Variants in NREP observed in about 807,000 individuals in gnomAD.
NREP encodes neuronal regeneration-related protein.
In NREP, 5 loss-of-function variants were observed where a neutral mutation model predicts 8.6. The observed-to-expected ratio is 0.58, with a 90% CI of 0.30 to 1.22. The LOEUF (loss-of-function observed/expected upper bound fraction) is 1.22, where lower values mean the gene tolerates loss of function less well. Ranked by LOEUF, NREP falls within the 50% of genes most tolerant of loss-of-function variation. The pLI, the probability that NREP is intolerant of heterozygous loss-of-function variation, is 0.07. For synonymous variants in NREP, 27 were observed against 28.0 expected (o/e 0.96, Z 0.11); for missense variants, 86 against 82.5 (o/e 1.04, Z -0.17).
upstream of NREP, among the ~76,000 whole-genome samples, chr5:111,759,469 C>G (rs538903180): frequency 1.3e-5 from 2 of 150,614 alleles, no homozygotes; most frequent in African/African-American, 2.4e-5. Flanking sequence ...CCATGTTGCC[C>G]GGTCTCAAAC....
chr5:111,874,204 T>C (rs928947677), intron 2 of NREP, among the ~76,000 whole-genome samples: 1 of 152,178 alleles, frequency 6.6e-6, no homozygotes, highest in Non-Finnish European at 1.5e-5. Flanking sequence ...AGACGTGTTT[T>C]AAAACTCTCC....
At chr5:111,945,810 C>T (rs55931388) in intron 2 of NREP, among the ~76,000 whole-genome samples, 9 of 151,762 alleles carry the variant, frequency 5.9e-5, no homozygotes, top group South Asian at 2.1e-4. Flanking sequence ...TCAATCAGAA[C>T]GTTTGCAAAA....
chr5:111,976,850 T>C (rs1343187151), exon 1 of NREP: 2 of 769,170 alleles, frequency 2.6e-6, no homozygotes, highest in East Asian at 5.7e-5. Context: ...CCATTCTGAT[T>C]GTCCAATGTT....
intron 2 of NREP, among the ~76,000 whole-genome samples, chr5:111,817,834 A>G (rs1211345189): frequency 6.6e-6 from 1 of 151,348 alleles, no homozygotes; most frequent in African/African-American, 2.4e-5. Flanking sequence ...AAGGTTATAC[A>G]TACACTGATA....
intron 2 of NREP, among the ~76,000 whole-genome samples, chr5:111,744,263 G>C (rs1321825779): frequency 1.3e-5 from 2 of 152,058 alleles, no homozygotes; most frequent in Non-Finnish European, 2.9e-5. Context: ...TGCTTGTCTT[G>C]CACTGTCCTG....
At chr5:111,786,166 G>C (rs1416088975) in intron 2 of NREP, among the ~76,000 whole-genome samples, 1 of 152,172 alleles carries the variant, frequency 6.6e-6, no homozygotes, top group Admixed American at 6.6e-5. Context: ...TAGAGGGTTT[G>C]AGTGAGTTCT....
intron 2 of NREP, among the ~76,000 whole-genome samples, chr5:111,782,802 T>G (rs951878801): frequency 1.3e-5 from 2 of 151,862 alleles, no homozygotes; most frequent in Non-Finnish European, 2.9e-5. Flanking sequence ...TGGCATGATC[T>G]CAGCTCACTG....
chr5:111,760,715 G>A (rs905432941), upstream of NREP, among the ~76,000 whole-genome samples: 3 of 152,210 alleles, frequency 2.0e-5, no homozygotes, highest in Non-Finnish European at 4.4e-5. Flanking sequence ...CAGATCATGA[G>A]CTAAGAAATT....
At chr5:111,765,485 T>C (rs957210324) in intron 2 of NREP, among the ~76,000 whole-genome samples, 3 of 152,210 alleles carry the variant, frequency 2.0e-5, no homozygotes, top group Non-Finnish European at 4.4e-5. Context: ...GCTCAAGAAC[T>C]ATATAGCCCT....
chr5:111,870,493 T>A (rs1456706114), intron 2 of NREP, among the ~76,000 whole-genome samples: 1 of 152,138 alleles, frequency 6.6e-6, no homozygotes, highest in East Asian at 1.9e-4. Flanking sequence ...ATGGCTTAAT[T>A]AGCATGATTA....
At chr5:111,941,691 A>G (rs1169507934) in intron 2 of NREP, among the ~76,000 whole-genome samples, 1 of 152,098 alleles carries the variant, frequency 6.6e-6, no homozygotes, top group Non-Finnish European at 1.5e-5. Context: ...TATTATTAAT[A>G]TTAGCATTTC....
intron 3 of NREP, chr5:111,734,552 T>G: frequency 2.3e-6 from 1 of 443,196 alleles, no homozygotes; most frequent in South Asian, 5.1e-5. Flanking sequence ...TGCCAGTTGA[T>G]ACAACCTCTT....
chr5:111,881,671 A>G (rs1196896234), intron 2 of NREP, among the ~76,000 whole-genome samples: 2 of 152,306 alleles, frequency 1.3e-5, no homozygotes, highest in East Asian at 3.9e-4. Flanking sequence ...TTTGCGGTCC[A>G]TGAAAATCCA....
chr5:111,913,248 AT>A (rs1423165112), intron 2 of NREP, among the ~76,000 whole-genome samples: 1 of 152,124 alleles, frequency 6.6e-6, no homozygotes, highest in Non-Finnish European at 1.5e-5. Context: ...CAAATTCTAA[AT>A]TCTTTTACTC....
chr5:111,895,417 A>AAATAACAAAACAAGGT (rs1181579340), intron 2 of NREP, among the ~76,000 whole-genome samples: 3 of 152,156 alleles, frequency 2.0e-5, no homozygotes, highest in Non-Finnish European at 4.4e-5. Context: ...CCAGCAAATA[A>AAATAACAAAACAAGGT]AATAACAAAA....
chr5:111,827,573 G>A lies in NREP; in HGVS notation c.136-92066C>T, dbSNP rs529112338. ...GAATAAAACCTGTGTGCTCTAGGCC[G>A]GGTGTGGGGGTTCACACCTGCAATT... On this transcript the variant is annotated intron_variant, in intron 2 of 3. Transcript: ENST00000395634. Among the ~76,000 whole-genome samples, 144 of 152,322 alleles carry A rather than the reference G, an allele frequency of 9.5e-4. 1 individual carries two copies. Among genetic ancestry groups the A allele is most frequent in the African/African-American group, 3.3e-3 (136 of 41,572 alleles).
intron 2 of NREP, among the ~76,000 whole-genome samples, chr5:111,750,365 A>C (rs1191539533): frequency 6.6e-6 from 1 of 152,200 alleles, no homozygotes; most frequent in African/African-American, 2.4e-5. Context: ...CAAGGAGCAA[A>C]TAGTCCACTT....
intron 2 of NREP, among the ~76,000 whole-genome samples, chr5:111,786,825 G>A (rs559587797): frequency 1.3e-5 from 2 of 152,098 alleles, no homozygotes; most frequent in Non-Finnish European, 2.9e-5. Flanking sequence ...TTTGTATATC[G>A]AAGTGGCAGC....
intron 2 of NREP, among the ~76,000 whole-genome samples, chr5:111,925,728 G>A (rs1337941277): frequency 2.0e-5 from 3 of 152,136 alleles, no homozygotes; most frequent in Non-Finnish European, 4.4e-5. Context: ...ATCTGTTGTG[G>A]ACAGCTTAGA....
Sources: allele counts gnomAD v4.1 joint callset (sites outside exome capture counted in the v4.1 genomes callset), GRCh38; gene constraint gnomAD v4.1.1; transcripts MANE v1.5; gene names NCBI Gene and HGNC (gene_info 2026-07-23, HGNC 2026-07-21).